CNTNAP2: variants seen among roughly 807,000 people sequenced by gnomAD.
CNTNAP2 encodes the protein contactin-associated protein-like 2.
A neutral mutation model predicts 155.2 loss-of-function variants in CNTNAP2; 98 were observed. The ratio of observed to expected loss-of-function variants is 0.63; its 90% CI spans 0.54 to 0.75. The LOEUF (loss-of-function observed/expected upper bound fraction) is 0.75, where lower values mean the gene tolerates loss of function less well. Among genes scored for constraint, CNTNAP2 ranks in the 30% least tolerant of loss-of-function variants. CNTNAP2 has a pLI of 0.00. For missense variants in CNTNAP2, 1,727 were observed against 1,688.1 expected (o/e 1.02, Z -0.40); for synonymous variants, 651 against 631.2 (o/e 1.03, Z -0.47).
chr7:147,444,370 A>G (rs1371156521), intron 10 of CNTNAP2, among the ~76,000 whole-genome samples: 1 of 152,176 alleles, frequency 6.6e-6, no homozygotes, highest in African/African-American at 2.4e-5. Flanking sequence ...TTTTCTGTAA[A>G]CACCTATCCT....
chr7:147,177,577 A>G (rs918277222), intron 8 of CNTNAP2, among the ~76,000 whole-genome samples: 1 of 152,156 alleles, frequency 6.6e-6, no homozygotes, highest in African/African-American at 2.4e-5. Flanking sequence ...TCTGTAGTCA[A>G]TGATTTCTGG....
chr7:147,754,989 G>A (rs1246263812), intron 13 of CNTNAP2, among the ~76,000 whole-genome samples: 1 of 152,070 alleles, frequency 6.6e-6, no homozygotes, highest in Non-Finnish European at 1.5e-5. Context: ...ATAAATTAAC[G>A]TCAATTGCCA....
At chr7:147,880,413 A>G (rs764082790) in intron 13 of CNTNAP2, among the ~76,000 whole-genome samples, 12 of 152,140 alleles carry the variant, frequency 7.9e-5, no homozygotes, top group Non-Finnish European at 1.8e-4. Context: ...GAGATACCTA[A>G]GTGGGGATGC....
intron 14 of CNTNAP2, among the ~76,000 whole-genome samples, chr7:147,914,871 A>G (rs1190414067): frequency 6.6e-6 from 1 of 152,168 alleles, no homozygotes; most frequent in Non-Finnish European, 1.5e-5. Flanking sequence ...TCTAATGTGT[A>G]TAATCCATAA....
chr7:146,191,638 GCCATTTT>G (rs1268051416), intron 1 of CNTNAP2, among the ~76,000 whole-genome samples: 2 of 152,208 alleles, frequency 1.3e-5, no homozygotes, highest in East Asian at 3.9e-4. Flanking sequence ...TCCCAGAGCG[GCCATTTT>G]AGAGACCTAC....
At chr7:148,110,434 A>C (rs1406277744) in intron 15 of CNTNAP2, among the ~76,000 whole-genome samples, 2 of 145,388 alleles carry the variant, frequency 1.4e-5, no homozygotes, top group Non-Finnish European at 3.0e-5. Context: ...CATCACTCCC[A>C]CCCCCCACCA....
At chr7:146,888,934 T>C (rs180759338) in intron 3 of CNTNAP2, among the ~76,000 whole-genome samples, 14 of 152,066 alleles carry the variant, frequency 9.2e-5, no homozygotes, top group Non-Finnish European at 2.9e-5. Context: ...GCACAGTGCC[T>C]ATAGCTAATG....
At chr7:147,528,084 T>C (rs931221896) in intron 11 of CNTNAP2, among the ~76,000 whole-genome samples, 5 of 152,208 alleles carry the variant, frequency 3.3e-5, no homozygotes, top group Non-Finnish European at 5.9e-5. Context: ...ATATTGACTT[T>C]CACACACTTC....
chr7:147,930,092 T>C (rs909694664), intron 14 of CNTNAP2, among the ~76,000 whole-genome samples: 3 of 151,230 alleles, frequency 2.0e-5, no homozygotes, highest in African/African-American at 7.3e-5. Context: ...AGCCTGGGAG[T>C]TGGGAACCCC....
intron 1 of CNTNAP2, among the ~76,000 whole-genome samples, chr7:146,520,744 A>C (rs1797606302): frequency 6.6e-6 from 1 of 151,956 alleles, no homozygotes; most frequent in Non-Finnish European, 1.5e-5. Context: ...ACTCTTAAGC[A>C]ACCAACTCTT....
At chr7:146,720,613 G>A (rs966922356) in intron 1 of CNTNAP2, among the ~76,000 whole-genome samples, 14 of 151,702 alleles carry the variant, frequency 9.2e-5, no homozygotes, top group Admixed American at 2.0e-4. Context: ...ATGTTCAAAG[G>A]AACTCCAAAA....
rs368818797 is a variant in CNTNAP2 at position 148,366,546 on chromosome 7, C to T, written c.3476-17103C>T. Among the ~76,000 whole-genome samples the T allele has an allele frequency of 5.9e-5, 9 of 152,258 alleles. No homozygotes were observed. The South Asian group carries it at 1.7e-3, about 28-fold the overall frequency. ...CTATAAAATTAAGTCCACAATTTTT[C>T]CATGGATCCTTGCCCAAGACCACAT... On this transcript the variant is annotated intron_variant, in intron 21 of 23. Transcript: ENST00000361727.
intron 1 of CNTNAP2, among the ~76,000 whole-genome samples, chr7:146,161,304 CCT>C (rs1204075859): frequency 6.6e-6 from 1 of 152,158 alleles, no homozygotes; most frequent in East Asian, 1.9e-4. Context: ...GCAGCTATGC[CCT>C]CTCTCACCAC....
intron 10 of CNTNAP2, among the ~76,000 whole-genome samples, chr7:147,440,232 G>T (rs1415415432): frequency 6.6e-6 from 1 of 151,660 alleles, no homozygotes; most frequent in Admixed American, 6.6e-5. Flanking sequence ...TGTATCTGTT[G>T]TGTGTTTTTT....
chr7:147,602,689 T>C (rs1279171401), intron 12 of CNTNAP2, among the ~76,000 whole-genome samples: 3 of 151,306 alleles, frequency 2.0e-5, no homozygotes, highest in Admixed American at 2.0e-4. Flanking sequence ...CCTTCCTGTG[T>C]CCATGTATTC....
intron 3 of CNTNAP2, among the ~76,000 whole-genome samples, chr7:147,022,113 G>A (rs1395179675): frequency 6.6e-6 from 1 of 151,818 alleles, no homozygotes; most frequent in Non-Finnish European, 1.5e-5. Flanking sequence ...CTATTTCTTT[G>A]TTGCAGATTG....
At chr7:146,990,701 T>C (rs1212701647) in intron 3 of CNTNAP2, among the ~76,000 whole-genome samples, 1 of 152,094 alleles carries the variant, frequency 6.6e-6, no homozygotes, top group Admixed American at 6.5e-5. Flanking sequence ...GTCACTCTGA[T>C]GTTATTTTTA....
At chr7:146,680,005 T>G (rs550844869) in intron 1 of CNTNAP2, among the ~76,000 whole-genome samples, 2 of 152,302 alleles carry the variant, frequency 1.3e-5, no homozygotes, top group South Asian at 4.1e-4. Flanking sequence ...ATATTTTCAT[T>G]TAAAAATACA....
At chr7:147,274,352 T>G (rs1804843142) in intron 8 of CNTNAP2, among the ~76,000 whole-genome samples, 1 of 152,154 alleles carries the variant, frequency 6.6e-6, no homozygotes, top group African/African-American at 2.4e-5. Context: ...CATTCTGACT[T>G]GTATAAGATG....
Sources: allele counts gnomAD v4.1 joint callset (sites outside exome capture counted in the v4.1 genomes callset), GRCh38; gene constraint gnomAD v4.1.1; transcripts MANE v1.5; gene names NCBI Gene and HGNC (gene_info 2026-07-23, HGNC 2026-07-21).